The following PBX3 variants were observed in gnomAD, a reference collection of about 807,000 sequenced individuals.
The protein encoded by PBX3 is pre-B-cell leukemia transcription factor 3.
Under a neutral mutation model 48.5 loss-of-function variants are expected in PBX3, and 14 were observed. The observed-to-expected ratio is 0.29, with a 90% CI of 0.19 to 0.45. PBX3 has a LOEUF of 0.45. PBX3 is among the 20% of genes least tolerant of loss of function. PBX3 has a pLI of 1.00. For synonymous variants in PBX3, 210 were observed against 200.3 expected (o/e 1.05, Z -0.41); for missense variants, 386 against 546.7 (o/e 0.71, Z 2.93).
intron 5 of PBX3, among the ~76,000 whole-genome samples, chr9:125,943,714 G>GT (rs1842011202): frequency 2.0e-5 from 3 of 152,194 alleles, no homozygotes; most frequent in African/African-American, 7.2e-5. Flanking sequence ...TATAAGTGAG[G>GT]TAAAATGACT....
chr9:125,888,809 TG>T (rs1341476382), intron 2 of PBX3, among the ~76,000 whole-genome samples: 1 of 152,204 alleles, frequency 6.6e-6, no homozygotes, highest in African/African-American at 2.4e-5. Flanking sequence ...TAGTCTGGAC[TG>T]GAAAGTGTAA....
Position 125,863,039 on chromosome 9 carries a change from A to G in PBX3, c.275-52647A>G, listed in dbSNP as rs1839899393. 4.6e-5 allele frequency among the ~76,000 whole-genome samples: 7 copies of G among 152,022 alleles called. No homozygotes were observed. In the South Asian group the frequency reaches 1.2e-3, roughly 27 times the overall value. On this transcript the variant is annotated intron_variant, in intron 2 of 8. Coordinates refer to ENST00000373489, the MANE Select transcript of PBX3 (RefSeq NM_006195.6). ...CAGCCTCCTGAGTAGCTGGGACTAC[A>G]GGCACATGCCACTACACCTAGCTAA... is the stretch of plus-strand genomic sequence containing the variant.
At position 125,967,000 on chromosome 9, in the gene PBX3, T is replaced by C. The variant is rs907955766; in HGVS notation, c.*1077T>C. 2 of 152,526 alleles carry C rather than the reference T, an allele frequency of 1.3e-5. No individual in the cohort carries two copies. Among genetic ancestry groups the C allele is most frequent in the Non-Finnish European group, 1.5e-5 (1 of 68,032 alleles). The allele number at this position is 152,526 out of a possible 1,614,324, so 9.4% of individuals were successfully genotyped here. On this transcript the variant is annotated 3_prime_UTR_variant, in exon 9 of 9. Transcript: ENST00000373489. Reference sequence around the variant, plus strand: ...TTTTAAAAAACCGAGTGTGGAAACATTGGGTCTTAATTCAACACAGGATCG... The same window carrying C: ...TTTTAAAAAACCGAGTGTGGAAACACTGGGTCTTAATTCAACACAGGATCG...
chr9:125,931,844 G>A (rs1360015081), intron 4 of PBX3, among the ~76,000 whole-genome samples: 1 of 151,854 alleles, frequency 6.6e-6, no homozygotes, highest in Non-Finnish European at 1.5e-5. Context: ...AAATGGAGAG[G>A]GTACTATTTT....
At chr9:125,949,580 G>T in intron 5 of PBX3, 1 of 1,278,950 alleles carries the variant, frequency 7.8e-7, no homozygotes, top group East Asian at 2.7e-5. Context: ...ATTCATTTTT[G>T]ATGAGAATTA....
At chr9:125,791,810 C>T (rs919077960) in intron 2 of PBX3, among the ~76,000 whole-genome samples, 23 of 151,986 alleles carry the variant, frequency 1.5e-4, no homozygotes, top group Admixed American at 2.6e-4. Flanking sequence ...GTGGCAGGCG[C>T]CTGTAGTCCC....
At chr9:125,959,667 A>G (rs1326991620) in intron 5 of PBX3, among the ~76,000 whole-genome samples, 1 of 152,186 alleles carries the variant, frequency 6.6e-6, no homozygotes, top group African/African-American at 2.4e-5. Flanking sequence ...AATAGCTGTT[A>G]AGTATAATAC....
At chr9:125,887,663 G>GT (rs370485143) in intron 2 of PBX3, among the ~76,000 whole-genome samples, 5 of 152,160 alleles carry the variant, frequency 3.3e-5, no homozygotes, top group Non-Finnish European at 2.9e-5. Flanking sequence ...GTGTATTTTT[G>GT]TTTTTTGTGT....
intron 2 of PBX3, among the ~76,000 whole-genome samples, chr9:125,764,709 T>TA (rs1410114949): frequency 6.6e-6 from 1 of 152,232 alleles, no homozygotes; most frequent in Admixed American, 6.5e-5. Context: ...CTTAGGATAT[T>TA]AGAGTTTTAG....
At chr9:125,911,399 C>T (rs913811899) in intron 2 of PBX3, among the ~76,000 whole-genome samples, 4 of 152,128 alleles carry the variant, frequency 2.6e-5, no homozygotes, top group Non-Finnish European at 4.4e-5. Flanking sequence ...GAAGAAAGCA[C>T]AGAAAATAAA....
chr9:125,935,012 A>G (rs1252773358), intron 4 of PBX3, among the ~76,000 whole-genome samples: 1 of 152,176 alleles, frequency 6.6e-6, no homozygotes, highest in Non-Finnish European at 1.5e-5. Flanking sequence ...TTGTAGCTCC[A>G]CTGAGCTTCT....
At chr9:125,769,945 T>C (rs1383778712) in intron 2 of PBX3, among the ~76,000 whole-genome samples, 1 of 152,198 alleles carries the variant, frequency 6.6e-6, no homozygotes, top group African/African-American at 2.4e-5. Flanking sequence ...TAAGCTCAAC[T>C]GGTTATGTAT....
intron 2 of PBX3, among the ~76,000 whole-genome samples, chr9:125,879,322 C>G (rs1177580279): frequency 1.3e-5 from 2 of 152,218 alleles, no homozygotes; most frequent in East Asian, 3.9e-4. Flanking sequence ...ACCTCGTGAT[C>G]AGCGCACCTC....
chr9:125,944,758 T>C (rs1476842761), intron 5 of PBX3, among the ~76,000 whole-genome samples: 1 of 151,952 alleles, frequency 6.6e-6, no homozygotes, highest in East Asian at 1.9e-4. Context: ...CCTGTGTTAT[T>C]ATGTGGGGGG....
intron 5 of PBX3, among the ~76,000 whole-genome samples, chr9:125,936,213 C>T (rs1036914600): frequency 6.6e-6 from 1 of 152,044 alleles, no homozygotes; most frequent in South Asian, 2.1e-4. Context: ...CATCTTCTAA[C>T]AAAAATACAT....
chr9:125,938,616 C>T (rs1841890089), intron 5 of PBX3, among the ~76,000 whole-genome samples: 1 of 152,100 alleles, frequency 6.6e-6, no homozygotes, highest in Non-Finnish European at 1.5e-5. Flanking sequence ...AAGACAACAC[C>T]AGCCAAATCC....
intron 2 of PBX3, among the ~76,000 whole-genome samples, chr9:125,831,457 C>T (rs891131741): frequency 6.6e-6 from 1 of 150,524 alleles, no homozygotes; most frequent in African/African-American, 2.5e-5. Flanking sequence ...GAGTCTCGCT[C>T]TGTTGCCCAG....
chr9:125,879,058 T>C (rs565351934), intron 2 of PBX3, among the ~76,000 whole-genome samples: 13 of 151,598 alleles, frequency 8.6e-5, no homozygotes, highest in African/African-American at 3.1e-4. Flanking sequence ...GAATGTTGCT[T>C]TTACAAAGAC....
At chr9:125,849,821 A>C (rs941896246) in intron 2 of PBX3, among the ~76,000 whole-genome samples, 5 of 152,022 alleles carry the variant, frequency 3.3e-5, no homozygotes, top group African/African-American at 1.2e-4. Flanking sequence ...TAGATGCATT[A>C]GATAAATGCT....
Sources: allele counts gnomAD v4.1 joint callset (sites outside exome capture counted in the v4.1 genomes callset), GRCh38; gene constraint gnomAD v4.1.1; transcripts MANE v1.5; gene names NCBI Gene and HGNC (gene_info 2026-07-23, HGNC 2026-07-21).